The following PRKCD variants were observed in gnomAD, a reference collection of about 807,000 sequenced individuals.
PRKCD encodes the protein protein kinase C delta.
PRKCD carries 20 observed loss-of-function variants against 82.2 expected under a neutral mutation model. That is an observed-to-expected ratio of 0.24 (90% CI 0.17 to 0.35). PRKCD has a LOEUF of 0.35. Ranked by LOEUF, PRKCD falls within the 10% of genes least tolerant of loss-of-function variation. The probability of loss-of-function intolerance (pLI) is 1.00; values close to 1 mark genes in which losing one functional copy is unlikely to be tolerated. For synonymous variants in PRKCD, 317 were observed against 337.0 expected, an observed-to-expected ratio of 0.94 and a Z score of 0.65; for missense variants, 607 against 899.0, an observed-to-expected ratio of 0.68 and a Z score of 4.15.
intron 1 of PRKCD, among the ~76,000 whole-genome samples, chr3:53,161,858 CCACCCA>C (rs1437641463): frequency 2.1e-5 from 3 of 140,800 alleles, no homozygotes; most frequent in African/African-American, 5.4e-5. Flanking sequence ...CGCCCCACCC[CCACCCA>C]CACCCCTACC....
In PRKCD at chr3:53,192,501, G is replaced by A. The variant is rs1246743235; in HGVS notation, c.*235G>A. 2.5e-6 allele frequency: 1 copy of A among 403,398 alleles called. No homozygotes were observed. The highest frequency in any genetic ancestry group is 4.1e-5 in the South Asian group (1 of 24,150). The allele number at this position is 403,398 out of a possible 1,614,324, so 25.0% of individuals were successfully genotyped here. ...AAATCCTGTGTTTCATTACTTGAAT[G>A]TAGTTATCTATTGAAAATATATATT... is the stretch of plus-strand genomic sequence containing the variant. On this transcript the variant is annotated 3_prime_UTR_variant, in exon 19 of 19. Transcript: ENST00000330452.
At chr3:53,175,079 G>T (rs1703169685) in intron 2 of PRKCD, among the ~76,000 whole-genome samples, 1 of 152,236 alleles carries the variant, frequency 6.6e-6, no homozygotes, top group South Asian at 2.1e-4. Flanking sequence ...CAGGCCGGGG[G>T]TAGGGGAAGC....
intron 2 of PRKCD, among the ~76,000 whole-genome samples, chr3:53,176,986 C>T (rs528022040): frequency 3.9e-5 from 6 of 152,132 alleles, no homozygotes; most frequent in East Asian, 3.9e-4. Context: ...TGCGCCACCA[C>T]GCCTGGCTAG....
chr3:53,175,945 G>A (rs1388028660), intron 2 of PRKCD, among the ~76,000 whole-genome samples: 3 of 152,210 alleles, frequency 2.0e-5, no homozygotes, highest in Non-Finnish European at 4.4e-5. Context: ...GCGAGGCCAG[G>A]CCCACGCAGC....
At chr3:53,178,341 C>A in intron 2 of PRKCD, 63 bp from the exon 3 acceptor site, 2 of 1,094,968 alleles carry the variant, frequency 1.8e-6, no homozygotes, top group South Asian at 1.4e-5. Context: ...TCCCTGAGTG[C>A]TGCCCGTGAC....
intron 4 of PRKCD, 95 bp downstream of exon 4, chr3:53,179,871 G>A: frequency 6.8e-7 from 1 of 1,463,292 alleles, no homozygotes; most frequent in Non-Finnish European, 9.2e-7. Context: ...CGCGGGCTTG[G>A]TCAGTGAGCA....
At chr3:53,184,316 CAG>C (rs1703586013) in intron 9 of PRKCD, among the ~76,000 whole-genome samples, 1 of 137,356 alleles carries the variant, frequency 7.3e-6, no homozygotes, top group African/African-American at 2.7e-5. Context: ...GCCTGGGTGA[CAG>C]AGTGAGACTC....
intron 2 of PRKCD, 132 bp from the exon 3 acceptor site, chr3:53,178,272 A>AGT (rs1703286286): frequency 9.0e-6 from 5 of 554,008 alleles, no homozygotes; most frequent in East Asian, 3.1e-5. Context: ...AACTGAGACT[A>AGT]GTGTGTGTGT....
intron 1 of PRKCD, among the ~76,000 whole-genome samples, chr3:53,162,275 G>A (rs528487020): frequency 1.3e-5 from 2 of 152,172 alleles, no homozygotes; most frequent in Admixed American, 6.5e-5. Context: ...GAGGTCGGGG[G>A]GGGGGGTCCT....
intron 2 of PRKCD, 127 bp downstream of exon 2, chr3:53,165,342 G>C (rs1702799031): frequency 6.6e-6 from 1 of 152,266 alleles, no homozygotes; most frequent in Non-Finnish European, 1.5e-5. Context: ...TCTGGTTGTG[G>C]GCCCTGTGTG....
chr3:53,184,292 G>T (rs1703585263), intron 9 of PRKCD, among the ~76,000 whole-genome samples: 1 of 151,348 alleles, frequency 6.6e-6, no homozygotes, highest in Admixed American at 6.6e-5. Flanking sequence ...CCGAAATCAT[G>T]TCACTGTACT....
chr3:53,170,403 G>A (rs927520592), intron 2 of PRKCD, among the ~76,000 whole-genome samples: 5 of 152,206 alleles, frequency 3.3e-5, no homozygotes, highest in East Asian at 1.9e-4. Flanking sequence ...TGGGGTGCCC[G>A]GCTTGCTGCC....
At position 53,192,379 on chromosome 3, in the gene PRKCD, A is replaced by C. The variant is rs543608934; in HGVS notation, c.*113A>C. 7 of 1,344,842 alleles carry C rather than the reference A, an allele frequency of 5.2e-6. No homozygotes were observed. The Admixed American group carries it at 1.3e-4, about 25-fold the overall frequency. The allele number at this position is 1,344,842 out of a possible 1,614,324, so 83.3% of individuals were successfully genotyped here. ...TGCTGCTGGCCCCGCCCCTGCCCCC[A>C]GAGCGTCCTTGGCTGCCGTCTGGCC... On this transcript the variant is annotated 3_prime_UTR_variant, in exon 19 of 19. Transcript: ENST00000330452.
chr3:53,169,096 G>A lies in PRKCD; in HGVS notation c.-20+3881G>A, dbSNP rs532791270. On this transcript the variant is annotated intron_variant, in intron 2 of 18. Coordinates refer to ENST00000330452, the MANE Select transcript of PRKCD (RefSeq NM_006254.4). This position sits in a 1 kb window ranked among gnomAD's most constrained non-coding sequence, Gnocchi z 4.7. ...TTGAGGACAGGCTGCAGCGGCAGAC[G>A]GGATGGCCTTATTGTGTGGGGAGCA... 3.4e-4 allele frequency among the ~76,000 whole-genome samples: 52 copies of A among 152,190 alleles called. No individual in the cohort carries two copies. The highest frequency in any genetic ancestry group is 5.9e-4 in the Admixed American group (9 of 15,290).
At chr3:53,184,375 A>G (rs1553668505) in intron 9 of PRKCD, among the ~76,000 whole-genome samples, 2 of 144,326 alleles carry the variant, frequency 1.4e-5, no homozygotes, top group African/African-American at 2.6e-5. Context: ...AACAAAAATC[A>G]TGAAAGATTG....
rs1226792173 is a variant in PRKCD, at chr3:53,184,330, G to A, written c.788-544G>A. Among the ~76,000 whole-genome samples, 9 of 92,306 alleles carry A rather than the reference G, an allele frequency of 9.8e-5. No individual in the cohort carries two copies. The East Asian group carries it at 1.7e-3, about 17-fold the overall frequency. The allele number at this position is 92,306 out of a possible 152,430, so 60.6% of individuals were successfully genotyped here. ...AGCCTGGGTGACAGAGTGAGACTCCGTCTCAACAACAACAACAACAACAAC... is the reference window on the plus strand; with the variant it reads ...AGCCTGGGTGACAGAGTGAGACTCCATCTCAACAACAACAACAACAACAAC... On this transcript the variant is annotated intron_variant, in intron 9 of 18. Transcript: ENST00000330452.
chr3:53,180,204 T>G (rs1359472439), intron 4 of PRKCD, among the ~76,000 whole-genome samples: 2 of 148,974 alleles, frequency 1.3e-5, no homozygotes, highest in Non-Finnish European at 3.0e-5. Context: ...CATTTTTAAC[T>G]GCATGAAAGG....
chr3:53,172,061 G>A (rs567840835), intron 2 of PRKCD, among the ~76,000 whole-genome samples: 1 of 152,162 alleles, frequency 6.6e-6, no homozygotes, highest in East Asian at 1.9e-4. Flanking sequence ...TGTCCTGGGA[G>A]GAGCAGGTAT....
chr3:53,181,664 C>T (rs568178829), intron 6 of PRKCD, 37 bp from the exon 7 acceptor site: 3 of 1,612,550 alleles, frequency 1.9e-6, no homozygotes, highest in South Asian at 1.1e-5. Context: ...CGATCCCGGT[C>T]CCCGCTCACT....
Sources: allele counts gnomAD v4.1 joint callset (sites outside exome capture counted in the v4.1 genomes callset), GRCh38; gene constraint gnomAD v4.1.1; non-coding constraint Gnocchi (gnomAD v3.1); transcripts MANE v1.5; gene names NCBI Gene and HGNC (gene_info 2026-07-23, HGNC 2026-07-21).